The following LMF1 variants were observed in gnomAD, a reference collection of about 807,000 sequenced individuals.
LMF1 encodes the protein lipase maturation factor 1, also known as transmembrane protein 112.
Under a neutral mutation model 60.6 loss-of-function variants are expected in LMF1, and 68 were observed. The observed-to-expected ratio is 1.12, with a 90% confidence interval of 0.92 to 1.37. The LOEUF (loss-of-function observed/expected upper bound fraction) is 1.37, where lower values mean the gene tolerates loss of function less well. LMF1 is among the 40% of genes most tolerant of loss of function. The pLI is 0.00. For synonymous variants in LMF1, 418 were observed against 324.7 expected, an observed-to-expected ratio of 1.29 and a Z score of -3.09; for missense variants, 948 against 767.2, an observed-to-expected ratio of 1.24 and a Z score of -2.78.
At chr16:933,933 CG>C in intron 3 of LMF1, 1 of 1,370,128 alleles carries the variant, frequency 7.3e-7, no homozygotes, top group South Asian at 1.3e-5. Flanking sequence ...TGAGCGTCCA[CG>C]GGGGATGGGC....
intron 3 of LMF1, among the ~76,000 whole-genome samples, chr16:915,673 G>A (rs540822152): frequency 2.1e-4 from 32 of 152,342 alleles, no homozygotes; most frequent in African/African-American, 7.0e-4. Flanking sequence ...GGGACAGGGT[G>A]CAGTGCTGGC....
At chr16:900,265 A>G (rs1175641149) in intron 4 of LMF1, 3 of 152,132 alleles carry the variant, frequency 2.0e-5, no homozygotes, top group Admixed American at 6.5e-5. Context: ...TGACCCCAAA[A>G]TGGTTCACAC....
At chr16:911,233 C>A in intron 3 of LMF1, 154 bp from the exon 4 acceptor site, 2 of 893,790 alleles carry the variant, frequency 2.2e-6, no homozygotes, top group Non-Finnish European at 3.6e-6. Context: ...GTCTCAACAT[C>A]GACACGCAAG....
chr16:936,963 T>G (rs915855014), intron 2 of LMF1, among the ~76,000 whole-genome samples: 1 of 152,106 alleles, frequency 6.6e-6, no homozygotes, highest in Non-Finnish European at 1.5e-5. Context: ...GGGCGGGAGA[T>G]CCTAGCTAAA....
At chr16:923,451 C>G in intron 3 of LMF1, among the ~76,000 whole-genome samples, 1 of 152,170 alleles carries the variant, frequency 6.6e-6, no homozygotes. Flanking sequence ...CTCTAAACAC[C>G]TTCCCCACTA....
At chr16:940,071 G>A (rs2072055635) in intron 2 of LMF1, among the ~76,000 whole-genome samples, 2 of 152,142 alleles carry the variant, frequency 1.3e-5, no homozygotes, top group Admixed American at 6.5e-5. Flanking sequence ...AAGCGGCAGG[G>A]ACCCGAGTGA....
chr16:916,029 C>G (rs762150571), intron 3 of LMF1, among the ~76,000 whole-genome samples: 1 of 152,040 alleles, frequency 6.6e-6, no homozygotes, highest in Non-Finnish European at 1.5e-5. Context: ...GGGAGGGACA[C>G]GGGGTAGCCT....
chr16:966,954 C>T (rs984719274), intron 1 of LMF1, among the ~76,000 whole-genome samples: 1 of 152,252 alleles, frequency 6.6e-6, no homozygotes, highest in African/African-American at 2.4e-5. Flanking sequence ...TGTACATATA[C>T]TATGTGACTC....
intron 4 of LMF1, chr16:901,635 C>T (rs754615022): frequency 4.6e-5 from 7 of 152,234 alleles, no homozygotes; most frequent in South Asian, 2.1e-4. Flanking sequence ...AAAACCTGGC[C>T]GAAACACGGG....
intron 9 of LMF1, 109 bp from the exon 10 acceptor site, chr16:869,165 TG>T: frequency 1.3e-6 from 1 of 782,610 alleles, no homozygotes; most frequent in Admixed American, 1.8e-5. Flanking sequence ...TTCCTGGAGG[TG>T]GGTTCCCTGG....
chr16:883,752 C>T (rs1268213732), intron 5 of LMF1: 1 of 152,144 alleles, frequency 6.6e-6, no homozygotes, highest in Non-Finnish European at 1.5e-5. Context: ...ACTCCAAGCA[C>T]AAAAAATATG....
At chr16:868,308 T>G (rs1293771517) in intron 10 of LMF1, among the ~76,000 whole-genome samples, 1 of 151,824 alleles carries the variant, frequency 6.6e-6, no homozygotes, top group Non-Finnish European at 1.5e-5. Context: ...CCCCAAAACC[T>G]TGTCCTCTGG....
At chr16:977,069 T>C (rs3803699) in intron 1 of LMF1, 221,355 of 453,970 alleles carry the variant, frequency 0.49, 56,957 homozygotes, top group African/African-American at 0.76. Context: ...CAGCTCTGGC[T>C]ACAGAGGCCC....
chr16:940,151 A>T (rs1026262083), intron 2 of LMF1, among the ~76,000 whole-genome samples: 1 of 152,136 alleles, frequency 6.6e-6, no homozygotes, highest in African/African-American at 2.4e-5. Flanking sequence ...CTTCCCGCAG[A>T]GACTCGGAGG....
intron 3 of LMF1, among the ~76,000 whole-genome samples, chr16:918,836 A>AACCCAACTCTCACGCGGGGCCGGCG (rs1567237661): frequency 7.3e-6 from 1 of 136,134 alleles, no homozygotes; most frequent in East Asian, 2.0e-4. Context: ...CGGGGCCGGC[A>AACCCAACTCTCACGCGGGGCCGGCG]TCCCGGGGCG....
At chr16:972,713 C>T (rs962675304), upstream of LMF1, among the ~76,000 whole-genome samples, 21 of 152,212 alleles carry the variant, frequency 1.4e-4, no homozygotes, top group African/African-American at 4.8e-4. Flanking sequence ...CTCGCTGGGC[C>T]GAGCTGCTCT....
intron 3 of LMF1, among the ~76,000 whole-genome samples, chr16:913,502 T>C (rs1410126924): frequency 2.0e-5 from 3 of 152,200 alleles, no homozygotes; most frequent in Admixed American, 6.5e-5. Context: ...TAATGGCTCA[T>C]TGCCGGCTGG....
intron 1 of LMF1, among the ~76,000 whole-genome samples, chr16:968,070 T>C (rs1277360097): frequency 1.3e-5 from 2 of 151,686 alleles, no homozygotes; most frequent in Non-Finnish European, 2.9e-5. Flanking sequence ...ACGCCCGCGG[T>C]ATGCACGTCT....
At chr16:889,530 T>C (rs2065560337) in intron 5 of LMF1, among the ~76,000 whole-genome samples, 1 of 152,178 alleles carries the variant, frequency 6.6e-6, no homozygotes. Context: ...TGCTCTGTGC[T>C]GCTGAAACTT....
Sources: allele counts gnomAD v4.1 joint callset (sites outside exome capture counted in the v4.1 genomes callset), GRCh38; gene constraint gnomAD v4.1.1; transcripts MANE v1.5; gene names NCBI Gene and HGNC (gene_info 2026-07-23, HGNC 2026-07-21).